MTRES1: variants seen among roughly 807,000 people sequenced by gnomAD.
The protein encoded by MTRES1 is mitochondrial transcription rescue factor 1.
In MTRES1, 11 loss-of-function variants were observed where a neutral mutation model predicts 17.4. The ratio of observed to expected loss-of-function variants is 0.63; its 90% CI spans 0.40 to 1.05. The LOEUF (loss-of-function observed/expected upper bound fraction) is 1.05. Among genes scored for constraint, MTRES1 ranks in the 50% least tolerant of loss-of-function variants. The pLI is 0.00. For synonymous variants in MTRES1, 94 were observed against 99.6 expected, an observed-to-expected ratio of 0.94 and a Z score of 0.34; for missense variants, 268 against 276.2, an observed-to-expected ratio of 0.97 and a Z score of 0.21.
chr6:107,050,548 T>A (rs1774557103), intron 3 of MTRES1, among the ~76,000 whole-genome samples: 1 of 60,590 alleles, frequency 1.7e-5, no homozygotes, highest in Non-Finnish European at 3.4e-5. Context: ...GCACTCTCCC[T>A]TTCTTTTTTT....
At chr6:107,050,551 CTTTTTTTT>C (rs142268482) in intron 3 of MTRES1, among the ~76,000 whole-genome samples, 3 of 81,516 alleles carry the variant, frequency 3.7e-5, no homozygotes, top group Admixed American at 1.7e-4. Flanking sequence ...CTCTCCCTTT[CTTTTTTTT>C]TTTTTTTTTT....
intron 3 of MTRES1, among the ~76,000 whole-genome samples, chr6:107,049,760 C>G (rs1217093956): frequency 4.8e-5 from 7 of 145,384 alleles, no homozygotes; most frequent in Non-Finnish European, 9.0e-5. Flanking sequence ...TTGCTCTTGT[C>G]GCCCAGGCTG....
chr6:107,028,784 T>C lies in MTRES1; in HGVS notation c.-13+513T>C, dbSNP rs190347608. 6.7e-5 allele frequency: 40 copies of C among 597,142 alleles called. No homozygotes were observed. In the African/African-American group the frequency reaches 7.0e-4, roughly 10 times the overall value. 37.0% of individuals were successfully genotyped at this position (597,142 alleles called of 1,614,324 possible). A position where few individuals can be genotyped will look rare whatever the true frequency, so the allele number is the denominator to read the frequency against. On this transcript the variant is annotated intron_variant, in intron 1 of 3. Transcript: ENST00000311381. ...CTGCTTTTTTTACAGACACTGCTTT[T>C]CTTACAGTCTTCGGTTAGTTCAGAT... is the stretch of plus-strand genomic sequence containing the variant.
In MTRES1 at chr6:107,039,398, C is replaced by T. The variant is rs1582603061; in HGVS notation, c.-12-351C>T. On this transcript the variant is annotated intron_variant, in intron 1 of 3. Coordinates refer to ENST00000311381, the MANE Select transcript of MTRES1 (RefSeq NM_016487.5). ...GCAGTGGCGTGATCTCAGCTCACTG[C>T]AACCTCTGCCTCCTGGGTTCAAGTG... Among the ~76,000 whole-genome samples the T allele has an allele frequency of 2.6e-5, 4 of 152,008 alleles. No individual in the cohort carries two copies. In the South Asian group the frequency reaches 8.3e-4, roughly 32 times the overall value.
intron 1 of MTRES1, among the ~76,000 whole-genome samples, chr6:107,034,037 G>T (rs944330828): frequency 6.6e-5 from 10 of 152,174 alleles, no homozygotes; most frequent in Admixed American, 2.6e-4. Flanking sequence ...ATGAGAGGTA[G>T]TGAGTAGCTA....
chr6:107,030,020 A>C, intron 1 of MTRES1: 1 of 708,548 alleles, frequency 1.4e-6, no homozygotes. Context: ...TGTTTCCCCT[A>C]CTAGACTATA....
At chr6:107,050,943 C>CA in intron 3 of MTRES1, 114 bp from the exon 4 acceptor site, 1 of 839,706 alleles carries the variant, frequency 1.2e-6, no homozygotes, top group South Asian at 1.6e-5. Context: ...GGCCTTTACT[C>CA]ACCTGCCCCT....
chr6:107,038,703 A>G (rs1375036851), intron 1 of MTRES1, among the ~76,000 whole-genome samples: 3 of 152,166 alleles, frequency 2.0e-5, no homozygotes, highest in Non-Finnish European at 4.4e-5. Flanking sequence ...GGCAAAGTCA[A>G]TGTTGTAAGG....
intron 2 of MTRES1, among the ~76,000 whole-genome samples, chr6:107,041,844 C>T (rs1189312770): frequency 6.6e-6 from 1 of 152,032 alleles, no homozygotes; most frequent in African/African-American, 2.4e-5. Flanking sequence ...CTTTAGTATT[C>T]TGATTCCCTC....
intron 1 of MTRES1, among the ~76,000 whole-genome samples, chr6:107,039,271 C>G (rs957737839): frequency 6.6e-6 from 1 of 151,786 alleles, no homozygotes; most frequent in Non-Finnish European, 1.5e-5. Flanking sequence ...GGTATATGGC[C>G]CTTAGTACAT....
At chr6:107,049,408 C>CTTT (rs782057719) in intron 3 of MTRES1, among the ~76,000 whole-genome samples, 185 of 99,296 alleles carry the variant, frequency 1.9e-3, no homozygotes, top group Non-Finnish European at 2.4e-3. Context: ...TATGGCCCTT[C>CTTT]TTTTTTTTTT....
chr6:107,028,795 T>TA (rs1773723849), intron 1 of MTRES1: 4 of 678,372 alleles, frequency 5.9e-6, no homozygotes, highest in Non-Finnish European at 7.3e-6. Context: ...CTTACAGTCT[T>TA]CGGTTAGTTC....
intron 1 of MTRES1, among the ~76,000 whole-genome samples, chr6:107,039,086 A>G (rs311206): frequency 0.8 from 121,748 of 152,012 alleles, 50,292 homozygotes; most frequent in Non-Finnish European, 0.91. Flanking sequence ...AAAAACAAAC[A>G]TAATTGAGAA....
intron 2 of MTRES1, 156 bp downstream of exon 2, chr6:107,040,386 C>A: frequency 5.3e-6 from 3 of 569,166 alleles, no homozygotes; most frequent in Non-Finnish European, 8.4e-6. Flanking sequence ...TATAGATGAG[C>A]AAACTGATTT....
At chr6:107,051,030 A>G in intron 3 of MTRES1, 27 bp from the exon 4 acceptor site, 1 of 1,549,948 alleles carries the variant, frequency 6.5e-7, no homozygotes, top group Non-Finnish European at 8.8e-7. Flanking sequence ...AAGTGTAACC[A>G]AGCCTCTGTT....
At chr6:107,036,224 T>C (rs1233479910) in intron 1 of MTRES1, among the ~76,000 whole-genome samples, 2 of 152,136 alleles carry the variant, frequency 1.3e-5, no homozygotes, top group African/African-American at 2.4e-5. Flanking sequence ...TGATTTCTTA[T>C]AATGCAAAAT....
At chr6:107,031,086 G>A (rs1197587025) in intron 1 of MTRES1, among the ~76,000 whole-genome samples, 1 of 152,148 alleles carries the variant, frequency 6.6e-6, no homozygotes, top group Non-Finnish European at 1.5e-5. Context: ...CCAACTTTAA[G>A]ATATCAGGGA....
intron 3 of MTRES1, 73 bp from the exon 4 acceptor site, chr6:107,050,984 C>G (rs1774583883): frequency 8.7e-6 from 11 of 1,260,834 alleles, no homozygotes; most frequent in African/African-American, 7.4e-5. Context: ...GGTGAAAACT[C>G]AGAGCAGTAA....
At chr6:107,036,021 A>G (rs572610129) in intron 1 of MTRES1, among the ~76,000 whole-genome samples, 280 of 152,212 alleles carry the variant, frequency 1.8e-3, no homozygotes, top group African/African-American at 6.5e-3. Flanking sequence ...AAATTTTATG[A>G]AAAAATATTA....
Sources: allele counts gnomAD v4.1 joint callset (sites outside exome capture counted in the v4.1 genomes callset), GRCh38; gene constraint gnomAD v4.1.1; transcripts MANE v1.5; gene names NCBI Gene and HGNC (gene_info 2026-07-23, HGNC 2026-07-21).